The following SPATA17 variants were observed in gnomAD, a reference collection of about 807,000 sequenced individuals.
SPATA17 encodes spermatogenesis-associated protein 17.
Under a neutral mutation model 62.2 loss-of-function variants are expected in SPATA17, and 53 were observed. That is an observed-to-expected ratio of 0.85 (90% CI 0.68 to 1.07). The LOEUF (loss-of-function observed/expected upper bound fraction) is 1.07, where lower values mean the gene tolerates loss of function less well. SPATA17 is among the 50% of genes least tolerant of loss of function. The pLI is 0.00. For synonymous variants in SPATA17, 146 were observed against 146.8 expected, an observed-to-expected ratio of 0.99 and a Z score of 0.04; for missense variants, 466 against 425.5, an observed-to-expected ratio of 1.10 and a Z score of -0.84.
chr1:217,648,132 AT>A (rs1224102837), intron 1 of SPATA17, among the ~76,000 whole-genome samples: 1 of 152,142 alleles, frequency 6.6e-6, no homozygotes, highest in Non-Finnish European at 1.5e-5. Flanking sequence ...ACTCTTAATT[AT>A]TTCCAGCAGA....
intron 6 of SPATA17, among the ~76,000 whole-genome samples, chr1:217,756,794 A>G (rs1439800929): frequency 6.6e-6 from 1 of 152,208 alleles, no homozygotes; most frequent in East Asian, 1.9e-4. Flanking sequence ...GAAGAGAGGA[A>G]TAAGTGGGTA....
chr1:217,636,535 C>T (rs926191687), intron 1 of SPATA17, among the ~76,000 whole-genome samples: 17 of 152,232 alleles, frequency 1.1e-4, no homozygotes, highest in African/African-American at 3.8e-4. Context: ...GCTTCAGACT[C>T]CTGAGTAGCT....
chr1:217,826,335 TG>T (rs1474966196), intron 9 of SPATA17, among the ~76,000 whole-genome samples: 4 of 152,278 alleles, frequency 2.6e-5, no homozygotes, highest in African/African-American at 9.6e-5. Context: ...ATCATCTCTT[TG>T]TAGGCCCAAA....
At chr1:217,634,896 T>TG (rs1669902680) in intron 1 of SPATA17, among the ~76,000 whole-genome samples, 1 of 106,508 alleles carries the variant, frequency 9.4e-6, no homozygotes, top group Non-Finnish European at 2.1e-5. Context: ...GTATTGGCCT[T>TG]TTTGTTGTTG....
At chr1:217,777,303 G>A (rs1398913779) in intron 7 of SPATA17, among the ~76,000 whole-genome samples, 1 of 152,026 alleles carries the variant, frequency 6.6e-6, no homozygotes, top group African/African-American at 2.4e-5. Flanking sequence ...CTTAGAGAAA[G>A]AGCTATAAAA....
chr1:217,644,443 C>T (rs558891234), intron 1 of SPATA17, among the ~76,000 whole-genome samples: 4 of 151,970 alleles, frequency 2.6e-5, no homozygotes, highest in African/African-American at 9.6e-5. Flanking sequence ...CAGCACAGGG[C>T]AGCTAATAAT....
intron 6 of SPATA17, among the ~76,000 whole-genome samples, chr1:217,767,900 A>G (rs1673341541): frequency 6.6e-6 from 1 of 152,110 alleles, no homozygotes; most frequent in Admixed American, 6.5e-5. Flanking sequence ...TGCATCTTCA[A>G]GTTTCACACA....
intron 6 of SPATA17, among the ~76,000 whole-genome samples, chr1:217,773,726 C>G (rs1349931916): frequency 6.6e-6 from 1 of 151,918 alleles, no homozygotes; most frequent in Admixed American, 6.6e-5. Context: ...TCATGAAATA[C>G]AGGATGTTAT....
chr1:217,761,160 C>T (rs1673164759), intron 6 of SPATA17, among the ~76,000 whole-genome samples: 1 of 152,204 alleles, frequency 6.6e-6, no homozygotes, highest in Non-Finnish European at 1.5e-5. Context: ...CTGCACACTG[C>T]TCATCACACT....
chr1:217,711,135 G>C (rs1248527741), intron 5 of SPATA17, among the ~76,000 whole-genome samples: 1 of 152,124 alleles, frequency 6.6e-6, no homozygotes, highest in East Asian at 1.9e-4. Flanking sequence ...TCATGTACAA[G>C]TGTTTTCTTT....
At chr1:217,689,313 C>A (rs1370720899) in intron 5 of SPATA17, among the ~76,000 whole-genome samples, 1 of 141,762 alleles carries the variant, frequency 7.1e-6, no homozygotes, top group Non-Finnish European at 1.5e-5. Flanking sequence ...GCAATCTCTG[C>A]CTCCCTGGTT....
At chr1:217,650,564 G>A (rs1379477302) in intron 2 of SPATA17, among the ~76,000 whole-genome samples, 1 of 151,792 alleles carries the variant, frequency 6.6e-6, no homozygotes, top group Admixed American at 6.6e-5. Flanking sequence ...CTACAGGCGC[G>A]CACCGCCACC....
At chr1:217,633,368 T>G (rs1182363820) in intron 1 of SPATA17, among the ~76,000 whole-genome samples, 1 of 151,976 alleles carries the variant, frequency 6.6e-6, no homozygotes, top group Admixed American at 6.6e-5. Flanking sequence ...TATAAGTTAA[T>G]GTAGAAATTA....
chr1:217,707,574 G>A (rs1671766116), intron 5 of SPATA17, among the ~76,000 whole-genome samples: 1 of 152,142 alleles, frequency 6.6e-6, no homozygotes. Context: ...TGCCTATGAA[G>A]AGACTTAGAT....
At chr1:217,678,485 G>GCCTCCCAAA (rs1671005177) in intron 4 of SPATA17, among the ~76,000 whole-genome samples, 3 of 152,014 alleles carry the variant, frequency 2.0e-5, no homozygotes, top group African/African-American at 7.2e-5. Flanking sequence ...AGGGATTACA[G>GCCTCCCAAA]GCATGAGCCA....
chr1:217,734,991 G>A (rs189002862), intron 5 of SPATA17, among the ~76,000 whole-genome samples: 157 of 152,190 alleles, frequency 1.0e-3, no homozygotes, highest in African/African-American at 3.5e-3. Flanking sequence ...TTCTACCCCC[G>A]CTTCCCAACA....
intron 9 of SPATA17, among the ~76,000 whole-genome samples, chr1:217,859,913 G>T (rs892391781): frequency 1.3e-4 from 20 of 151,822 alleles, no homozygotes; most frequent in African/African-American, 4.8e-4. Flanking sequence ...TTTTTGCTCT[G>T]ATTTTATTAT....
At chr1:217,664,446 C>T (rs1168204639) in intron 3 of SPATA17, among the ~76,000 whole-genome samples, 7 of 151,894 alleles carry the variant, frequency 4.6e-5, no homozygotes, top group Non-Finnish European at 4.4e-5. Flanking sequence ...CTCACCACCA[C>T]ACCTGGCTAA....
chr1:217,631,418 G>A lies in SPATA17; in HGVS notation c.40G>A (p.Val14Ile). The change falls in exon 1 of 11, where the codon GTA (valine) becomes ATA (isoleucine). Residue 14 changes from valine (V) to isoleucine (I), a missense_variant. Physicochemically the swap from Val to Ile is conservative, Grantham distance 29 (BLOSUM62 3). Transcript: ENST00000366933. Reference sequence around the variant, plus strand: ...CCGGCTGCAAGCTAGGTCGTCGACTGTAGGAAATCAGTACTACTTTAGGAA... The same window carrying A: ...CCGGCTGCAAGCTAGGTCGTCGACTATAGGAAATCAGTACTACTTTAGGAA... The part of the protein sequence containing the change: ...LARLQARSST[V>I]GNQYYFRNSV... 1.2e-6 allele frequency: 2 copies of A among 1,614,172 alleles called. No homozygotes were observed. Among genetic ancestry groups the A allele is most frequent in the South Asian group, 1.1e-5 (1 of 91,086 alleles).
Sources: gnomAD v4.1 joint callset for allele counts (sites outside exome capture counted in the v4.1 genomes callset) on GRCh38, gnomAD v4.1.1 for gene constraint, MANE v1.5 for transcripts, NCBI Gene and HGNC (gene_info 2026-07-23, HGNC 2026-07-21) for gene names.